NECAB1: variants seen among roughly 807,000 people sequenced by gnomAD.
NECAB1 encodes N-terminal EF-hand calcium binding protein 1, also known as N-terminal EF-hand calcium-binding protein 1.
A neutral mutation model predicts 57.5 loss-of-function variants in NECAB1; 29 were observed. That is an observed-to-expected ratio of 0.50 (90% CI 0.38 to 0.69). NECAB1 has a LOEUF of 0.69. NECAB1 is among the 30% of genes least tolerant of loss of function. NECAB1 has a pLI of 0.00. For synonymous variants in NECAB1, 142 were observed against 147.7 expected (o/e 0.96, Z 0.28); for missense variants, 372 against 413.8 (o/e 0.90, Z 0.88).
intron 3 of NECAB1, among the ~76,000 whole-genome samples, chr8:90,856,162 A>G (rs1812790383): frequency 6.6e-6 from 1 of 152,182 alleles, no homozygotes; most frequent in Non-Finnish European, 1.5e-5. Context: ...CTAGTTTTGG[A>G]GACTCTGTTC....
At chr8:90,818,513 T>A (rs776583064) in intron 2 of NECAB1, among the ~76,000 whole-genome samples, 2 of 152,048 alleles carry the variant, frequency 1.3e-5, no homozygotes, top group Non-Finnish European at 2.9e-5. Context: ...TAGATTGTGA[T>A]GTTTTCTTTC....
At position 90,906,480 on chromosome 8, in the gene NECAB1, G is replaced by A. The variant is rs147014432; in HGVS notation, c.358-11012G>A. Among the ~76,000 whole-genome samples the A allele has an allele frequency of 1.8e-3, 268 of 152,132 alleles. 2 individuals are homozygous for A. The highest frequency in any genetic ancestry group is 6.1e-3 in the African/African-American group (255 of 41,520). ...GTTCTTCCAAAAGTTGTTAAAATCT[G>A]GAACTTAAGAGTCTCCAGTTAAAGA... On this transcript the variant is annotated intron_variant, in intron 5 of 12. Coordinates refer to ENST00000417640, the MANE Select transcript of NECAB1 (RefSeq NM_022351.5).
rs963174539 is a variant in NECAB1 at position 90,915,365 on chromosome 8, GT to G, written c.358-2118del. On this transcript the variant is annotated intron_variant, in intron 5 of 12. Coordinates refer to ENST00000417640, the MANE Select transcript of NECAB1 (RefSeq NM_022351.5). ...ACTCATTCAGAGAGAATTTTTTGAA[GT>G]TTTTTTTTAACCAATAAATAGCAAG... Among the ~76,000 whole-genome samples, 276 of 151,056 alleles carry G rather than the reference GT, an allele frequency of 1.8e-3. 2 individuals carry two copies. The highest frequency in any genetic ancestry group is 0.01 in the Middle Eastern group (3 of 288).
intron 2 of NECAB1, among the ~76,000 whole-genome samples, chr8:90,802,105 C>A (rs1317821541): frequency 6.6e-6 from 1 of 152,162 alleles, no homozygotes; most frequent in Non-Finnish European, 1.5e-5. Context: ...TGAGACTGGA[C>A]CCCAGGTCTG....
chr8:90,847,233 A>T (rs1812585110), intron 3 of NECAB1, among the ~76,000 whole-genome samples: 1 of 152,274 alleles, frequency 6.6e-6, no homozygotes, highest in African/African-American at 2.4e-5. Flanking sequence ...GCCCCATGCA[A>T]GTTCAAATCC....
rs961594627 is a variant in NECAB1, at chr8:90,956,197, A to G, written c.*685A>G. ...ACATTGTGTCATTTATTAGCATCAT[A>G]ATTCTTTGTTATGTAAGTTAAATAT... On this transcript the variant is annotated 3_prime_UTR_variant, in exon 13 of 13. Coordinates refer to ENST00000417640, the MANE Select transcript of NECAB1 (RefSeq NM_022351.5). 2.0e-5 allele frequency: 3 copies of G among 152,070 alleles called. No individual in the cohort carries two copies. Among genetic ancestry groups the G allele is most frequent in the Non-Finnish European group, 4.4e-5 (3 of 67,940 alleles). 9.4% of individuals were successfully genotyped at this position (152,070 alleles called of 1,614,324 possible).
intron 5 of NECAB1, among the ~76,000 whole-genome samples, chr8:90,899,120 G>A (rs537738213): frequency 2.1e-4 from 32 of 152,332 alleles, no homozygotes; most frequent in South Asian, 1.0e-3. Context: ...TGGGACGCCC[G>A]AGGGCAAAGA....
At chr8:90,822,599 G>A (rs1036471977) in intron 2 of NECAB1, among the ~76,000 whole-genome samples, 9 of 151,148 alleles carry the variant, frequency 6.0e-5, no homozygotes, top group African/African-American at 2.2e-4. Flanking sequence ...CTTATTAATC[G>A]ATGCTTTTAT....
At chr8:90,856,685 GA>G (rs1290498815) in intron 3 of NECAB1, among the ~76,000 whole-genome samples, 1 of 152,128 alleles carries the variant, frequency 6.6e-6, no homozygotes, top group Non-Finnish European at 1.5e-5. Flanking sequence ...AAATTCCTTT[GA>G]AAACAAAACT....
chr8:90,791,949 T>C lies in NECAB1; in HGVS notation c.63T>C (p.Ala21=), dbSNP rs1362230753. The C allele has an allele frequency of 1.9e-6, 3 of 1,552,664 alleles. No homozygotes were observed. The highest frequency in any genetic ancestry group is 3.9e-5 in the Admixed American group (2 of 51,178). ...SNNSSEELSS[A]LHLSKGMSIF... is the part of the protein sequence containing the mutation. ...ACTCCTCGGAGGAGCTCAGCTCTGC[T>C]CTGCACCTGTCCAAGGGCATGTCGA... Residue 21 remains alanine (A), a synonymous_variant, in exon 1 of 13, where the codon GCT becomes GCC. Transcript: ENST00000417640.
At chr8:90,902,222 C>A (rs981517051) in intron 5 of NECAB1, among the ~76,000 whole-genome samples, 1 of 152,116 alleles carries the variant, frequency 6.6e-6, no homozygotes, top group Non-Finnish European at 1.5e-5. Flanking sequence ...GAGTTTGAGA[C>A]CAGCCTGGAC....
chr8:90,799,938 C>G (rs1165962678), intron 1 of NECAB1, among the ~76,000 whole-genome samples: 2 of 152,186 alleles, frequency 1.3e-5, no homozygotes, highest in Non-Finnish European at 2.9e-5. Context: ...AATTCTTGAG[C>G]ATGGAATGTT....
rs1167455536 is a variant in NECAB1, at chr8:90,954,833, T to C, written c.1031-654T>C. Among the ~76,000 whole-genome samples, 7 of 148,574 alleles carry C rather than the reference T, an allele frequency of 4.7e-5. 1 individual carries two copies. In the South Asian group the frequency reaches 1.0e-3, roughly 22 times the overall value. ...TTATATGTATATTATATATTATACA[T>C]AAGCTGCATATATTTATAAATATAT... On this transcript the variant is annotated intron_variant, in intron 12 of 12. Transcript: ENST00000417640.
chr8:90,929,541 A>G (rs947745945), intron 8 of NECAB1, among the ~76,000 whole-genome samples: 2 of 152,006 alleles, frequency 1.3e-5, no homozygotes, highest in East Asian at 3.9e-4. Flanking sequence ...TACCATTTCC[A>G]GTCTGTTGGC....
intron 6 of NECAB1, 99 bp from the exon 7 acceptor site, chr8:90,925,436 C>A (rs1217714560): frequency 1.5e-6 from 2 of 1,344,760 alleles, no homozygotes; most frequent in African/African-American, 1.5e-5. Flanking sequence ...CATTTTGCTG[C>A]ACTAGAAAAC....
chr8:90,916,905 A>C (rs1809966500), intron 5 of NECAB1, among the ~76,000 whole-genome samples: 1 of 152,208 alleles, frequency 6.6e-6, no homozygotes, highest in Non-Finnish European at 1.5e-5. Context: ...AGGTAAAGTT[A>C]CTGAAGGAAA....
chr8:90,915,786 A>C (rs977842884), intron 5 of NECAB1, among the ~76,000 whole-genome samples: 1 of 152,320 alleles, frequency 6.6e-6, no homozygotes, highest in South Asian at 2.1e-4. Context: ...TCTGTGGCCA[A>C]AGGCCTGACA....
chr8:90,917,757 T>C, intron 6 of NECAB1, 129 bp downstream of exon 6: 1 of 782,718 alleles, frequency 1.3e-6, no homozygotes, highest in Non-Finnish European at 1.8e-6. Flanking sequence ...AGAATGACAG[T>C]GACCTCCACT....
At chr8:90,934,215 G>T in intron 8 of NECAB1, 89 bp from the exon 9 acceptor site, 1 of 896,586 alleles carries the variant, frequency 1.1e-6, no homozygotes, top group East Asian at 2.9e-5. Flanking sequence ...TTCAATGTTA[G>T]CCATGAGAGA....
Sources: gnomAD v4.1 joint callset for allele counts (sites outside exome capture counted in the v4.1 genomes callset) on GRCh38, gnomAD v4.1.1 for gene constraint, MANE v1.5 for transcripts, NCBI Gene and HGNC (gene_info 2026-07-23, HGNC 2026-07-21) for gene names.